The following NRXN3 variants were observed in gnomAD, a reference collection of about 807,000 sequenced individuals.
NRXN3 encodes the protein neurexin III.
NRXN3 carries 32 observed loss-of-function variants against 137.6 expected under a neutral mutation model. The ratio of observed to expected loss-of-function variants is 0.23; its 90% CI spans 0.18 to 0.31. The LOEUF is 0.31. Among genes scored for constraint, NRXN3 ranks in the 10% least tolerant of loss-of-function variants. The probability of loss-of-function intolerance (pLI) is 1.00; values close to 1 mark genes in which losing one functional copy is unlikely to be tolerated. For missense variants in NRXN3, 1,574 were observed against 2,062.5 expected (o/e 0.76, Z 4.59); for synonymous variants, 798 against 784.5 (o/e 1.02, Z -0.29).
intron 16 of NRXN3, among the ~76,000 whole-genome samples, chr14:79,526,543 A>G (rs1223126821): frequency 1.3e-5 from 2 of 152,160 alleles, no homozygotes; most frequent in African/African-American, 4.8e-5. Context: ...TCATGTATTC[A>G]TTAGAATTGA....
At chr14:79,241,989 C>T (rs1262494180) in intron 15 of NRXN3, among the ~76,000 whole-genome samples, 1 of 152,010 alleles carries the variant, frequency 6.6e-6, no homozygotes, top group African/African-American at 2.4e-5. Context: ...ATCACTTGAA[C>T]CCAGGAGGCA....
In NRXN3 at chr14:79,505,710, G is replaced by A. The variant is rs2096871809; in HGVS notation, c.3444+38308G>A. ...GGTTGCAAATGCTCTTTATGCAGAT[G>A]TTTTATGTTTTATATTACTTTCCTA... On this transcript the variant is annotated intron_variant, in intron 16 of 20. Transcript: ENST00000335750. Among the ~76,000 whole-genome samples, 4 of 152,306 alleles carry A rather than the reference G, an allele frequency of 2.6e-5. No homozygotes were observed. In the South Asian group the frequency reaches 6.2e-4, roughly 24 times the overall value.
intron 4 of NRXN3, among the ~76,000 whole-genome samples, chr14:78,350,633 G>T (rs1018753823): frequency 1.3e-5 from 2 of 152,048 alleles, no homozygotes; most frequent in African/African-American, 4.8e-5. Flanking sequence ...AGTTAGATTT[G>T]CATTTTTTCA....
chr14:78,702,954 T>C lies in NRXN3; in HGVS notation c.1222-6263T>C, dbSNP rs1346350035. 3.3e-5 allele frequency among the ~76,000 whole-genome samples: 5 copies of C among 152,176 alleles called. No individual in the cohort carries two copies. The East Asian group carries it at 9.6e-4, about 29-fold the overall frequency. On this transcript the variant is annotated intron_variant, in intron 6 of 20. Transcript: ENST00000335750. ...GTAAGATATTATCTACATTCTACAG[T>C]ATAAGAACATAGGCTGAGACAAGTT...
intron 16 of NRXN3, among the ~76,000 whole-genome samples, chr14:79,527,447 A>G (rs2097130932): frequency 6.6e-6 from 1 of 152,160 alleles, no homozygotes; most frequent in South Asian, 2.1e-4. Flanking sequence ...AAGAAAAAGC[A>G]TGGAAGAAAT....
chr14:79,398,858 A>G (rs1268992200), intron 15 of NRXN3, among the ~76,000 whole-genome samples: 1 of 151,888 alleles, frequency 6.6e-6, no homozygotes, highest in Non-Finnish European at 1.5e-5. Flanking sequence ...AAAAATACAA[A>G]AATTAGTCAG....
At chr14:79,741,937 TAA>T (rs2098964695) in intron 19 of NRXN3, among the ~76,000 whole-genome samples, 1 of 152,188 alleles carries the variant, frequency 6.6e-6, no homozygotes, top group Admixed American at 6.5e-5. Context: ...CTAGATATTA[TAA>T]GAGTATTGCA....
intron 4 of NRXN3, among the ~76,000 whole-genome samples, chr14:78,521,780 C>T (rs561005522): frequency 6.6e-6 from 1 of 151,880 alleles, no homozygotes; most frequent in African/African-American, 2.4e-5. Flanking sequence ...ATCTGTATAT[C>T]CTGATGAAAT....
chr14:79,837,609 T>TA (rs1270356374), intron 20 of NRXN3, among the ~76,000 whole-genome samples: 1 of 152,158 alleles, frequency 6.6e-6, no homozygotes, highest in Non-Finnish European at 1.5e-5. Context: ...GGGCCACAAA[T>TA]AGTGAACGCC....
At chr14:78,737,581 C>A (rs2098546534) in intron 8 of NRXN3, among the ~76,000 whole-genome samples, 1 of 151,734 alleles carries the variant, frequency 6.6e-6, no homozygotes, top group Non-Finnish European at 1.5e-5. Context: ...TCCCAGTCCT[C>A]AGGTGGAGGA....
intron 15 of NRXN3, among the ~76,000 whole-genome samples, chr14:79,435,093 G>C (rs1304767402): frequency 1.3e-5 from 2 of 152,156 alleles, no homozygotes; most frequent in Non-Finnish European, 2.9e-5. Flanking sequence ...GTGGAGCTCA[G>C]AGCCACAACG....
At chr14:78,250,256 G>A (rs937583796) in intron 2 of NRXN3, 9 of 347,010 alleles carry the variant, frequency 2.6e-5, no homozygotes, top group South Asian at 8.8e-5. Context: ...ATAAAAAATC[G>A]TACATCATGG....
At chr14:79,749,396 G>T (rs1603461587) in intron 19 of NRXN3, among the ~76,000 whole-genome samples, 1 of 151,640 alleles carries the variant, frequency 6.6e-6, no homozygotes, top group Non-Finnish European at 1.5e-5. Context: ...GCAACTGTAA[G>T]TATCCACATT....
intron 10 of NRXN3, among the ~76,000 whole-genome samples, chr14:78,880,131 T>G (rs2099124630): frequency 6.9e-6 from 1 of 144,642 alleles, no homozygotes; most frequent in African/African-American, 2.7e-5. Context: ...TCCCAGCTAC[T>G]TGGGAGGCTG....
At chr14:79,499,518 C>T (rs2096798741) in intron 16 of NRXN3, among the ~76,000 whole-genome samples, 1 of 152,192 alleles carries the variant, frequency 6.6e-6, no homozygotes, top group South Asian at 2.1e-4. Context: ...CATGTGCTTA[C>T]ATGTTTAATA....
intron 19 of NRXN3, among the ~76,000 whole-genome samples, chr14:79,735,039 A>T (rs1297115755): frequency 6.6e-6 from 1 of 152,146 alleles, no homozygotes; most frequent in African/African-American, 2.4e-5. Context: ...AATACTTGGT[A>T]GGGGGGAATG....
rs140933856 is a variant in NRXN3 at position 79,293,525 on chromosome 14, G to C, written c.3263-173696G>C. On this transcript the variant is annotated intron_variant, in intron 15 of 20. Coordinates refer to ENST00000335750, the MANE Select transcript of NRXN3 (RefSeq NM_001330195.2). ...GGGCAACGTGCAAGCTTTCAGCTTC[G>C]CTGTTTAGTCTCTTTCTAGTCTCTT... 2.1e-3 allele frequency among the ~76,000 whole-genome samples: 323 copies of C among 152,350 alleles called. 1 individual carries two copies. The highest frequency in any genetic ancestry group is 7.5e-3 in the African/African-American group (311 of 41,584).
chr14:78,941,917 A>G (rs1164433491), intron 10 of NRXN3, among the ~76,000 whole-genome samples: 1 of 152,184 alleles, frequency 6.6e-6, no homozygotes, highest in Non-Finnish European at 1.5e-5. Context: ...AAGCACCACC[A>G]TCAGCAAAAG....
chr14:78,760,330 C>G (rs901979280), intron 8 of NRXN3, among the ~76,000 whole-genome samples: 23 of 151,284 alleles, frequency 1.5e-4, no homozygotes, highest in Admixed American at 1.5e-3. Context: ...GTGTAAGCCA[C>G]TGCGCCCCAC....
Sources: gnomAD v4.1 joint callset for allele counts (sites outside exome capture counted in the v4.1 genomes callset) on GRCh38, gnomAD v4.1.1 for gene constraint, MANE v1.5 for transcripts, NCBI Gene and HGNC (gene_info 2026-07-23, HGNC 2026-07-21) for gene names.